CNKSR3: variants seen among roughly 807,000 people sequenced by gnomAD.
CNKSR3 encodes the protein CNKSR family member 3, also known as connector enhancer of kinase suppressor of ras 3.
Under a neutral mutation model 67.7 loss-of-function variants are expected in CNKSR3, and 36 were observed. The ratio of observed to expected loss-of-function variants is 0.53; its 90% CI spans 0.41 to 0.70. CNKSR3 has a LOEUF of 0.70. CNKSR3 is among the 30% of genes least tolerant of loss of function. CNKSR3 has a pLI of 0.00. For synonymous variants in CNKSR3, 281 were observed against 271.4 expected (o/e 1.04, Z -0.35); for missense variants, 630 against 695.2 (o/e 0.91, Z 1.05).
intron 1 of CNKSR3, among the ~76,000 whole-genome samples, chr6:154,497,744 T>C (rs1786907332): frequency 6.6e-6 from 1 of 152,252 alleles, no homozygotes; most frequent in Non-Finnish European, 1.5e-5. Context: ...AATATTCTCC[T>C]GTGTTTAAGA....
intron 9 of CNKSR3, among the ~76,000 whole-genome samples, chr6:154,421,629 A>C (rs972661257): frequency 1.3e-5 from 2 of 151,474 alleles, no homozygotes; most frequent in African/African-American, 4.9e-5. Flanking sequence ...TTTAAATAAA[A>C]CTCAGTCAGT....
chr6:154,444,648 C>T (rs1048689083), intron 2 of CNKSR3, among the ~76,000 whole-genome samples: 1 of 150,566 alleles, frequency 6.6e-6, no homozygotes, highest in African/African-American at 2.5e-5. Flanking sequence ...ACTCTGTCAC[C>T]AGGCTGGAGT....
chr6:154,469,949 T>C (rs1244471769), intron 1 of CNKSR3, among the ~76,000 whole-genome samples: 1 of 152,148 alleles, frequency 6.6e-6, no homozygotes, highest in Non-Finnish European at 1.5e-5. Context: ...TTTTTTCTGA[T>C]ATTTTGAGAC....
At chr6:154,449,581 TC>T (rs1427783414) in intron 2 of CNKSR3, among the ~76,000 whole-genome samples, 1 of 152,220 alleles carries the variant, frequency 6.6e-6, no homozygotes, top group Non-Finnish European at 1.5e-5. Flanking sequence ...CGCCTCGGCC[TC>T]CCAGAGTGCT....
intron 1 of CNKSR3, among the ~76,000 whole-genome samples, chr6:154,506,898 C>A (rs1038479312): frequency 1.3e-5 from 2 of 152,154 alleles, no homozygotes; most frequent in Non-Finnish European, 2.9e-5. Context: ...CTATTCAGAC[C>A]GAATCCTGAA....
intron 7 of CNKSR3, among the ~76,000 whole-genome samples, chr6:154,425,242 C>T (rs1197041758): frequency 6.6e-6 from 1 of 152,214 alleles, no homozygotes; most frequent in African/African-American, 2.4e-5. Flanking sequence ...ATAAGCTTCA[C>T]TTTACAAAAG....
chr6:154,417,906 C>T (rs975689448), intron 9 of CNKSR3, among the ~76,000 whole-genome samples: 4 of 152,180 alleles, frequency 2.6e-5, no homozygotes, highest in African/African-American at 9.7e-5. Context: ...GTCAACTTGT[C>T]ACCTGTGGAA....
chr6:154,414,604 G>A (rs1442147006), intron 9 of CNKSR3, 181 bp from the exon 10 acceptor site: 5 of 701,690 alleles, frequency 7.1e-6, no homozygotes, highest in Non-Finnish European at 5.2e-6. Flanking sequence ...ACCTTAGAAT[G>A]AGCTGAGGGA....
intron 1 of CNKSR3, among the ~76,000 whole-genome samples, chr6:154,485,056 A>G (rs1341832220): frequency 6.6e-6 from 1 of 152,180 alleles, no homozygotes; most frequent in Non-Finnish European, 1.5e-5. Flanking sequence ...CTTGGATTTT[A>G]ACTTCTCTTT....
intron 1 of CNKSR3, among the ~76,000 whole-genome samples, chr6:154,462,113 TTAAAG>T (rs1004243847): frequency 6.6e-6 from 1 of 152,194 alleles, no homozygotes; most frequent in Non-Finnish European, 1.5e-5. Flanking sequence ...ATTCGCCTAT[TTAAAG>T]TAAACAATTC....
At position 154,406,278 on chromosome 6, in the gene CNKSR3, A is replaced by G; in HGVS notation, c.*76T>C. On this transcript the variant is annotated 3_prime_UTR_variant, in exon 13 of 13. Coordinates refer to ENST00000607772, the MANE Select transcript of CNKSR3 (RefSeq NM_173515.4). ...GTCCCTACATAATACTGAGGCTGAA[A>G]CGAGAAGAGGCTGTCCACTGTAAAA... is the stretch of plus-strand genomic sequence containing the variant. 2 of 1,376,144 alleles carry G rather than the reference A, an allele frequency of 1.5e-6. No homozygotes were observed. The highest frequency in any genetic ancestry group is 2.0e-6 in the Non-Finnish European group (2 of 1,010,152). 85.2% of individuals were successfully genotyped at this position (1,376,144 alleles called of 1,614,324 possible). A position where few individuals can be genotyped will look rare whatever the true frequency, so the allele number is the denominator to read the frequency against.
chr6:154,410,981 T>C lies in CNKSR3; in HGVS notation c.1232A>G (p.Glu411Gly). 6.2e-7 allele frequency: 1 copy of C among 1,613,916 alleles called. No individual in the cohort carries two copies. Among genetic ancestry groups the C allele is most frequent in the African/African-American group, 1.3e-5 (1 of 75,020 alleles). The stretch of plus-strand genomic sequence containing the variant: ...CATTTTTGTGGGCAGAATGTTGGTT[T>C]CCACCGAGTACCCAGGCAACTGATC... Reference protein sequence around the residue: ...DSDQLPGYSVETNILPTKMRE... With the variant: ...DSDQLPGYSVGTNILPTKMRE... Residue 411 changes from glutamate (E) to glycine (G), a missense_variant, in exon 11 of 13, where the codon GAA becomes GGA. By Grantham distance (98) the Glu-to-Gly change is moderately conservative (BLOSUM62 -2). Coordinates refer to ENST00000607772, the MANE Select transcript of CNKSR3 (RefSeq NM_173515.4).
At chr6:154,429,239 A>G (rs1421998829) in intron 6 of CNKSR3, among the ~76,000 whole-genome samples, 1 of 152,196 alleles carries the variant, frequency 6.6e-6, no homozygotes, top group African/African-American at 2.4e-5. Flanking sequence ...TGCTGTAATA[A>G]TGTGGACCCT....
intron 9 of CNKSR3, among the ~76,000 whole-genome samples, chr6:154,415,227 C>CTTTT (rs773533317): frequency 0.38 from 41,416 of 110,258 alleles, 8,546 homozygotes; most frequent in African/African-American, 0.43. Flanking sequence ...ACTAGCTGCC[C>CTTTT]ATTTTTTTTT....
chr6:154,443,704 A>T (rs1785651556), intron 2 of CNKSR3, among the ~76,000 whole-genome samples: 2 of 152,126 alleles, frequency 1.3e-5, no homozygotes, highest in Admixed American at 1.3e-4. Flanking sequence ...ACTAAGCGTG[A>T]TCTCCTGAGC....
chr6:154,421,294 G>A (rs1007498136), intron 9 of CNKSR3, among the ~76,000 whole-genome samples: 3 of 152,144 alleles, frequency 2.0e-5, no homozygotes, highest in South Asian at 4.1e-4. Context: ...GATTACCGGC[G>A]TGAGCCACCA....
rs1488809153 is a variant in CNKSR3 at position 154,392,364 on chromosome 6, G to A, written c.*13990C>T. ...ATTCCATGGTAAGAATATACCACAT[G>A]TAAACCTTTTTTTGCCAACAGACAT... is the stretch of plus-strand genomic sequence containing the variant. On this transcript the variant is annotated 3_prime_UTR_variant, in exon 13 of 13. Coordinates refer to ENST00000607772, the MANE Select transcript of CNKSR3 (RefSeq NM_173515.4). 6.6e-6 allele frequency: 1 copy of A among 152,172 alleles called. No individual in the cohort carries two copies. Among genetic ancestry groups the A allele is most frequent in the Non-Finnish European group, 1.5e-5 (1 of 68,040 alleles). The allele number at this position is 152,172 out of a possible 1,614,324, so 9.4% of individuals were successfully genotyped here.
At position 154,396,425 on chromosome 6, in the gene CNKSR3, C is replaced by G. The variant is rs927097930; in HGVS notation, c.*9929G>C. The G allele has an allele frequency of 2.0e-5, 3 of 152,234 alleles. No homozygotes were observed. Among genetic ancestry groups the G allele is most frequent in the African/African-American group, 7.2e-5 (3 of 41,552 alleles). 9.4% of individuals were successfully genotyped at this position (152,234 alleles called of 1,614,324 possible). ...CTTTAATATATTAATAAAATTAAAA[C>G]AATTTTCACAGAAAATTTTAATAAT... On this transcript the variant is annotated 3_prime_UTR_variant, in exon 13 of 13. Transcript: ENST00000607772.
chr6:154,505,436 G>A (rs1483698566), intron 1 of CNKSR3, among the ~76,000 whole-genome samples: 3 of 151,264 alleles, frequency 2.0e-5, no homozygotes, highest in Non-Finnish European at 2.9e-5. Context: ...TTCTGTCCTG[G>A]GACCAAAGGT....
Sources: allele counts gnomAD v4.1 joint callset (sites outside exome capture counted in the v4.1 genomes callset), GRCh38; gene constraint gnomAD v4.1.1; transcripts MANE v1.5; gene names NCBI Gene and HGNC (gene_info 2026-07-23, HGNC 2026-07-21).